CNTNAP2: variants seen among roughly 807,000 people sequenced by gnomAD.
CNTNAP2 encodes the protein contactin associated protein 2, also known as contactin-associated protein-like 2.
In CNTNAP2, 98 loss-of-function variants were observed where a neutral mutation model predicts 155.2. The observed-to-expected ratio is 0.63, with a 90% CI of 0.54 to 0.75. The LOEUF (loss-of-function observed/expected upper bound fraction) is 0.75, where lower values mean the gene tolerates loss of function less well. Ranked by LOEUF, CNTNAP2 falls within the 30% of genes least tolerant of loss-of-function variation. The pLI, the probability that CNTNAP2 is intolerant of heterozygous loss-of-function variation, is 0.00. For synonymous variants in CNTNAP2, 651 were observed against 631.2 expected (o/e 1.03, Z -0.47); for missense variants, 1,727 against 1,688.1 (o/e 1.02, Z -0.40).
chr7:147,656,722 A>G (rs1795529942), intron 13 of CNTNAP2, among the ~76,000 whole-genome samples: 4 of 152,236 alleles, frequency 2.6e-5, no homozygotes, highest in African/African-American at 9.6e-5. Context: ...AAGAATTACC[A>G]GAGTGTGACA....
chr7:148,104,548 C>T (rs1043245646), intron 15 of CNTNAP2, among the ~76,000 whole-genome samples: 2 of 152,178 alleles, frequency 1.3e-5, no homozygotes, highest in African/African-American at 4.8e-5. Context: ...CTTTTTACAG[C>T]TCAGCTATGA....
intron 14 of CNTNAP2, among the ~76,000 whole-genome samples, chr7:147,969,810 A>G (rs368085649): frequency 8.5e-5 from 13 of 152,256 alleles, no homozygotes; most frequent in East Asian, 1.9e-4. Flanking sequence ...ACAATTAGAT[A>G]GTTTTTGGTA....
intron 9 of CNTNAP2, among the ~76,000 whole-genome samples, chr7:147,352,581 A>C (rs1584892950): frequency 6.6e-6 from 1 of 152,136 alleles, no homozygotes; most frequent in South Asian, 2.1e-4. Context: ...TGCAGGAGTA[A>C]GTAACTAATT....
At chr7:147,806,976 T>A (rs772750920) in intron 13 of CNTNAP2, among the ~76,000 whole-genome samples, 20 of 152,124 alleles carry the variant, frequency 1.3e-4, no homozygotes, top group Non-Finnish European at 2.6e-4. Flanking sequence ...TTATTGTATA[T>A]TTCAAAATAA....
intron 11 of CNTNAP2, among the ~76,000 whole-genome samples, chr7:147,510,260 G>C (rs1798991007): frequency 6.6e-6 from 1 of 152,136 alleles, no homozygotes; most frequent in South Asian, 2.1e-4. Flanking sequence ...CTAAAACCCA[G>C]TATTTAGTGG....
intron 15 of CNTNAP2, among the ~76,000 whole-genome samples, chr7:147,999,138 A>AGTGGTGCAGTG (rs2116891162): frequency 1.3e-5 from 2 of 152,214 alleles, no homozygotes; most frequent in East Asian, 3.9e-4. Context: ...GTTGGAGTGC[A>AGTGGTGCAGTG]GTGGTGCAGT....
intron 9 of CNTNAP2, among the ~76,000 whole-genome samples, chr7:147,394,657 G>T (rs696775): frequency 0.14 from 21,180 of 151,640 alleles, 1,666 homozygotes; most frequent in East Asian, 0.32. Context: ...ATCCATAATG[G>T]GTGTTTCTAT....
intron 3 of CNTNAP2, among the ~76,000 whole-genome samples, chr7:146,847,331 G>T (rs1165113553): frequency 6.6e-6 from 1 of 152,072 alleles, no homozygotes; most frequent in East Asian, 1.9e-4. Context: ...GTAATTCTAT[G>T]TTACACTCTG....
intron 13 of CNTNAP2, among the ~76,000 whole-genome samples, chr7:147,777,036 T>A (rs1797595052): frequency 6.6e-6 from 1 of 152,114 alleles, no homozygotes; most frequent in Admixed American, 6.5e-5. Context: ...AATTTTAAAA[T>A]TTTTAGGTTA....
intron 3 of CNTNAP2, among the ~76,000 whole-genome samples, chr7:146,934,573 A>C (rs553892358): frequency 6.6e-6 from 1 of 152,160 alleles, no homozygotes; most frequent in Non-Finnish European, 1.5e-5. Flanking sequence ...CATTGTGCAC[A>C]TGTACCATAA....
At chr7:147,142,307 C>A (rs1801615624) in intron 8 of CNTNAP2, among the ~76,000 whole-genome samples, 1 of 152,018 alleles carries the variant, frequency 6.6e-6, no homozygotes, top group South Asian at 2.1e-4. Context: ...TTGTCAAAGG[C>A]CTTTTCTGCA....
rs1011747157 is a variant in CNTNAP2, at chr7:147,377,895, T to C, written c.1499-17714T>C. 15 of 400,104 alleles carry C rather than the reference T, an allele frequency of 3.7e-5. No individual in the cohort carries two copies. In the East Asian group the frequency reaches 1.0e-3, roughly 27 times the overall value. 24.8% of individuals were successfully genotyped at this position (400,104 alleles called of 1,614,324 possible). A position where few individuals can be genotyped will look rare whatever the true frequency, so the allele number is the denominator to read the frequency against. On this transcript the variant is annotated intron_variant, in intron 9 of 23. Transcript: ENST00000361727. ...ATGCTGTGTTTAGTGCTAGATTACCTTTATAAAAATGTTTAATTGGGATGT... is the reference window on the plus strand; with the variant it reads ...ATGCTGTGTTTAGTGCTAGATTACCCTTATAAAAATGTTTAATTGGGATGT...
At chr7:147,405,984 G>A (rs182232030) in intron 10 of CNTNAP2, among the ~76,000 whole-genome samples, 132 of 152,202 alleles carry the variant, frequency 8.7e-4, no homozygotes, top group South Asian at 3.3e-3. Flanking sequence ...CTCTAACAAC[G>A]AGTCATTGAG....
intron 4 of CNTNAP2, among the ~76,000 whole-genome samples, chr7:147,102,864 G>A (rs1166231159): frequency 6.6e-6 from 1 of 151,048 alleles, no homozygotes; most frequent in Non-Finnish European, 1.5e-5. Flanking sequence ...GTCCACCAGA[G>A]TTGTGTCTGT....
intron 12 of CNTNAP2, among the ~76,000 whole-genome samples, chr7:147,605,937 G>T (rs1801055033): frequency 2.0e-5 from 3 of 151,012 alleles, no homozygotes; most frequent in Non-Finnish European, 4.4e-5. Flanking sequence ...GTGTTTGTGT[G>T]TCTCTTCTTT....
intron 8 of CNTNAP2, among the ~76,000 whole-genome samples, chr7:147,228,784 C>G (rs775181413): frequency 5.3e-5 from 8 of 152,196 alleles, no homozygotes; most frequent in Admixed American, 1.3e-4. Context: ...TTAGGTATTT[C>G]TCCTAATGTT....
At chr7:147,691,667 C>T (rs1179257461) in intron 13 of CNTNAP2, among the ~76,000 whole-genome samples, 1 of 152,146 alleles carries the variant, frequency 6.6e-6, no homozygotes, top group African/African-American at 2.4e-5. Flanking sequence ...AACTTATTTA[C>T]TTGCAAATGT....
At chr7:146,477,622 C>G (rs1473281592) in intron 1 of CNTNAP2, among the ~76,000 whole-genome samples, 1 of 116,254 alleles carries the variant, frequency 8.6e-6, no homozygotes, top group Non-Finnish European at 1.7e-5. Flanking sequence ...TCTTCTTCAG[C>G]AAACACACAC....
chr7:147,408,280 G>T lies in CNTNAP2; in HGVS notation c.1670+12500G>T, dbSNP rs1169574758. On this transcript the variant is annotated intron_variant, in intron 10 of 23. Coordinates refer to ENST00000361727, the MANE Select transcript of CNTNAP2 (RefSeq NM_014141.6). Reference sequence around the variant, plus strand: ...TAATTCTCCCTGGGATCTAGGTTGGGATGGAGATGGCAGAGGAGCAGTTCA... The same window carrying T: ...TAATTCTCCCTGGGATCTAGGTTGGTATGGAGATGGCAGAGGAGCAGTTCA... Among the ~76,000 whole-genome samples the T allele has an allele frequency of 2.6e-5, 4 of 152,224 alleles. No homozygotes were observed. In the East Asian group the frequency reaches 7.7e-4, roughly 29 times the overall value.
Sources: gnomAD v4.1 joint callset for allele counts (sites outside exome capture counted in the v4.1 genomes callset) on GRCh38, gnomAD v4.1.1 for gene constraint, MANE v1.5 for transcripts, NCBI Gene and HGNC (gene_info 2026-07-23, HGNC 2026-07-21) for gene names.